The following MYO5A variants were observed in gnomAD, a reference collection of about 807,000 sequenced individuals.
MYO5A encodes unconventional myosin-Va.
Under a neutral mutation model 249.7 loss-of-function variants are expected in MYO5A, and 98 were observed. The ratio of observed to expected loss-of-function variants is 0.39; its 90% CI spans 0.33 to 0.46. The LOEUF is 0.46. MYO5A is among the 20% of genes least tolerant of loss of function. MYO5A has a pLI of 0.98. For missense variants in MYO5A, 1,696 were observed against 2,308.8 expected (o/e 0.73, Z 5.44); for synonymous variants, 778 against 810.6 (o/e 0.96, Z 0.68).
intron 1 of MYO5A, among the ~76,000 whole-genome samples, chr15:52,518,630 C>G (rs952624113): frequency 6.6e-6 from 1 of 152,096 alleles, no homozygotes; most frequent in African/African-American, 2.4e-5. Context: ...TGTTTAAGTA[C>G]TGGCAGAAAA....
rs377460123 is a variant in MYO5A at position 52,505,025 on chromosome 15, G to A, written c.27+23755C>T. On this transcript the variant is annotated intron_variant, in intron 1 of 41. Transcript: ENST00000399233. ...ATAATGTCGTTAAGAACTCAGACTCGGCAGTTCCCATTATCTTCGGGAGCT... is the reference window on the plus strand; with the variant it reads ...ATAATGTCGTTAAGAACTCAGACTCAGCAGTTCCCATTATCTTCGGGAGCT... Among the ~76,000 whole-genome samples the A allele has an allele frequency of 7.9e-5, 12 of 152,162 alleles. 1 individual carries two copies. The South Asian group carries it at 1.0e-3, about 13-fold the overall frequency.
intron 1 of MYO5A, among the ~76,000 whole-genome samples, chr15:52,433,917 G>A (rs112893931): frequency 0.015 from 2,328 of 151,528 alleles, 47 homozygotes; most frequent in African/African-American, 0.054. Flanking sequence ...AAGCTATGGT[G>A]TTGTGGTTCT....
chr15:52,394,275 A>G (rs1171323049), intron 11 of MYO5A, among the ~76,000 whole-genome samples: 1 of 152,170 alleles, frequency 6.6e-6, no homozygotes, highest in Non-Finnish European at 1.5e-5. Context: ...CCTGCTAGAG[A>G]CCTCTGATGA....
chr15:52,438,822 C>A (rs2075723054), intron 1 of MYO5A, among the ~76,000 whole-genome samples: 1 of 152,218 alleles, frequency 6.6e-6, no homozygotes, highest in African/African-American at 2.4e-5. Context: ...TTCTTTTGGT[C>A]TGTGTTTGTT....
At chr15:52,504,451 T>C (rs1197345502) in intron 1 of MYO5A, among the ~76,000 whole-genome samples, 1 of 152,190 alleles carries the variant, frequency 6.6e-6, no homozygotes. Context: ...CTAGAATTGA[T>C]CTTTCACCCC....
At chr15:52,375,192 T>C in intron 20 of MYO5A, 112 bp downstream of exon 20, 1 of 1,062,324 alleles carries the variant, frequency 9.4e-7, no homozygotes, top group Admixed American at 2.2e-5. Context: ...CAATAGCTGG[T>C]TGTCCCCATA....
At position 52,370,321 on chromosome 15, in the gene MYO5A, G is replaced by C; in HGVS notation, c.2914C>G (p.Gln972Glu). ...EKLRSDLERL[Q>E]LSEEEAKVAT... ...ACTTTCGCTTCCTCTTCACTTAGTT[G>C]AAGACGTTCTAAGTCACTTCGTAGT... Residue 972 changes from glutamine to glutamate, a missense_variant, in exon 22 of 42, where the codon CAA (glutamine) becomes GAA (glutamate). By Grantham distance (29) the Gln-to-Glu change is conservative. This residue lies in a region of MYO5A where 412 missense variants were observed against 453.3 expected (regional missense o/e 0.91). Transcript: ENST00000399233. 1 of 1,614,172 alleles carries C rather than the reference G, an allele frequency of 6.2e-7. No homozygotes were observed. The highest frequency in any genetic ancestry group is 8.5e-7 in the Non-Finnish European group (1 of 1,180,024).
chr15:52,526,672 T>C (rs2077736123), intron 1 of MYO5A, among the ~76,000 whole-genome samples: 1 of 152,152 alleles, frequency 6.6e-6, no homozygotes, highest in Non-Finnish European at 1.5e-5. Context: ...TTTAATTTTT[T>C]TGTAGAGACC....
chr15:52,491,503 G>A (rs1172142666), intron 1 of MYO5A, among the ~76,000 whole-genome samples: 1 of 152,162 alleles, frequency 6.6e-6, no homozygotes, highest in African/African-American at 2.4e-5. Flanking sequence ...ATTAAAGCCA[G>A]CTTTTGCTCA....
chr15:52,450,848 T>TG (rs1555454743), intron 1 of MYO5A, among the ~76,000 whole-genome samples: 1 of 78,462 alleles, frequency 1.3e-5, no homozygotes, highest in East Asian at 1.5e-3. Flanking sequence ...CTGTGGTTTT[T>TG]TTTTTTTTTT....
intron 1 of MYO5A, among the ~76,000 whole-genome samples, chr15:52,471,143 T>C (rs556277793): frequency 3.1e-4 from 47 of 152,326 alleles, no homozygotes; most frequent in African/African-American, 1.0e-3. Context: ...GATTAGCAGC[T>C]TTATAGATAA....
chr15:52,422,647 C>T (rs1470625054), intron 4 of MYO5A, among the ~76,000 whole-genome samples: 1 of 152,156 alleles, frequency 6.6e-6, no homozygotes, highest in African/African-American at 2.4e-5. Context: ...AGGCAATAAC[C>T]TCCCAACTAG....
chr15:52,312,979 G>C lies in MYO5A; in HGVS notation c.*717C>G, dbSNP rs917533373. ...TATAATCCAGTTAAAACTGTGATCTGATTGAATTGTAAACAGAATTGACAA... is the reference window on the plus strand; with the variant it reads ...TATAATCCAGTTAAAACTGTGATCTCATTGAATTGTAAACAGAATTGACAA... On this transcript the variant is annotated 3_prime_UTR_variant, in exon 42 of 42. Transcript: ENST00000399233. The C allele has an allele frequency of 6.5e-6, 1 of 152,672 alleles. No individual in the cohort carries two copies. Among genetic ancestry groups the C allele is most frequent in the South Asian group, 2.1e-4 (1 of 4,826 alleles). The allele number at this position is 152,672 out of a possible 1,614,324, so 9.5% of individuals were successfully genotyped here.
chr15:52,370,109 A>G (rs541426605), intron 22 of MYO5A, 60 bp downstream of exon 22: 2 of 1,606,106 alleles, frequency 1.2e-6, no homozygotes, highest in African/African-American at 1.3e-5. Context: ...GGACCAAGTC[A>G]TGATGACAGC....
chr15:52,405,051 TCACA>T lies in MYO5A; in HGVS notation c.1053+232_1053+235del, dbSNP rs58764245. Among the ~76,000 whole-genome samples the T allele has an allele frequency of 0.37, 52,306 of 139,954 alleles. 10,303 individuals are homozygous for T. Among genetic ancestry groups the T allele is most frequent in the Non-Finnish European group, 0.48 (30,188 of 62,808 alleles). The allele number at this position is 139,954 out of a possible 152,430, so 91.8% of individuals were successfully genotyped here. On this transcript the variant is annotated intron_variant, in intron 9 of 41. Transcript: ENST00000399233. ...CCCTCTCTCTTTCTCTCTCTCTCTG[TCACA>T]CACACACACACACACACACACACAC...
intron 1 of MYO5A, among the ~76,000 whole-genome samples, chr15:52,468,536 G>A (rs2076396378): frequency 6.6e-6 from 1 of 152,070 alleles, no homozygotes; most frequent in South Asian, 2.1e-4. Context: ...TGGGTGTGGT[G>A]GTGTGCACCT....
chr15:52,501,070 C>T (rs988397936), intron 1 of MYO5A, among the ~76,000 whole-genome samples: 2 of 151,600 alleles, frequency 1.3e-5, no homozygotes, highest in Non-Finnish European at 2.9e-5. Context: ...CCCGGGTTCA[C>T]GCCATTCTCC....
chr15:52,385,357 T>G (rs1248774762), intron 14 of MYO5A, among the ~76,000 whole-genome samples: 1 of 152,190 alleles, frequency 6.6e-6, no homozygotes, highest in African/African-American at 2.4e-5. Flanking sequence ...ACTCAGTAGA[T>G]GAACTGTGCT....
Position 52,372,242 on chromosome 15 carries a change from A to G in MYO5A, c.2699T>C (p.Met900Thr), listed in dbSNP as rs761205312. The change falls in exon 21 of 42, where the codon ATG becomes ACG. Residue 900 changes from methionine to threonine, a missense_variant. By Grantham distance (81) the Met-to-Thr change is moderately conservative (BLOSUM62 -1). Transcript: ENST00000399233. ...IYLQCCFRRM[M>T]AKRELKKLKI... ...GAGCTTCTTTAGCTCACGCTTGGCC[A>G]TCATCCGCCTGAAGCAGCACTGAAG... is the stretch of plus-strand genomic sequence containing the variant. The G allele has an allele frequency of 6.2e-7, 1 of 1,613,130 alleles. No individual in the cohort carries two copies. Among genetic ancestry groups the G allele is most frequent in the East Asian group, 2.2e-5 (1 of 44,882 alleles).
Sources: gnomAD v4.1 joint callset for allele counts (sites outside exome capture counted in the v4.1 genomes callset) on GRCh38, gnomAD v4.1.1 for gene constraint, gnomAD v4.1.1 regional missense constraint, MANE v1.5 for transcripts, NCBI Gene and HGNC (gene_info 2026-07-23, HGNC 2026-07-21) for gene names.